EFCAB6: variants seen among roughly 807,000 people sequenced by gnomAD.
EFCAB6 encodes EF-hand calcium binding domain 6.
EFCAB6 carries 156 observed loss-of-function variants against 169.8 expected under a neutral mutation model. That is an observed-to-expected ratio of 0.92 (90% confidence interval 0.81 to 1.05). The LOEUF is 1.05. EFCAB6 is among the 50% of genes least tolerant of loss of function. The pLI is 0.00. For synonymous variants in EFCAB6, 698 were observed against 676.4 expected, an observed-to-expected ratio of 1.03 and a Z score of -0.50; for missense variants, 1,800 against 1,829.1, an observed-to-expected ratio of 0.98 and a Z score of 0.29.
At chr22:43,616,652 G>A (rs979128546) in intron 20 of EFCAB6, among the ~76,000 whole-genome samples, 2 of 152,118 alleles carry the variant, frequency 1.3e-5, no homozygotes, top group African/African-American at 4.8e-5. Flanking sequence ...GGGAGAGCAC[G>A]AGACTCCATC....
chr22:43,642,339 G>A (rs1270994508), intron 17 of EFCAB6, among the ~76,000 whole-genome samples: 1 of 152,006 alleles, frequency 6.6e-6, no homozygotes, highest in Non-Finnish European at 1.5e-5. Flanking sequence ...TTTTTAATAA[G>A]TAATATTATT....
chr22:43,778,449 G>A (rs1399448487), intron 3 of EFCAB6, among the ~76,000 whole-genome samples: 1 of 152,192 alleles, frequency 6.6e-6, no homozygotes, highest in Non-Finnish European at 1.5e-5. Flanking sequence ...AAGCATATGG[G>A]CCCTTCACTA....
chr22:43,618,222 GA>G lies in EFCAB6; in HGVS notation c.2466-2301del, dbSNP rs1569257550. On this transcript the variant is annotated intron_variant, in intron 20 of 31. Transcript: ENST00000262726. ...AGAAAGAAAGAAAGAAAGAAAGAAA[GA>G]GAAAGAAAGAAAGAGAGAGAAAGAG... Among the ~76,000 whole-genome samples, 32 of 98,484 alleles carry G rather than the reference GA, an allele frequency of 3.2e-4. 2 individuals are homozygous for G. The highest frequency in any genetic ancestry group is 1.9e-3 in the South Asian group (5 of 2,662). The allele number at this position is 98,484 out of a possible 152,430, so 64.6% of individuals were successfully genotyped here.
In EFCAB6 at chr22:43,540,286, C is replaced by T. The variant is rs190251390; in HGVS notation, c.3720G>A (p.Arg1240=). The T allele has an allele frequency of 2.3e-4, 368 of 1,614,216 alleles. No individual in the cohort carries two copies. In the East Asian group the frequency reaches 8.0e-3, roughly 35 times the overall value. ...GTGTGGCTGCTGTCTCGGAACTGAA[C>T]CTGCTCAGGAAGTCCGGGTATTTCA... is the stretch of plus-strand genomic sequence containing the variant. ...GRLKYPDFLS[R]FSSETAATPM... is the part of the protein sequence containing the mutation. Residue 1240 remains arginine (R), a synonymous_variant, in exon 28 of 32, where the codon AGG becomes AGA. Coordinates refer to ENST00000262726, the MANE Select transcript of EFCAB6 (RefSeq NM_022785.4).
chr22:43,644,218 G>A (rs1411167251), intron 17 of EFCAB6, among the ~76,000 whole-genome samples: 4 of 152,118 alleles, frequency 2.6e-5, no homozygotes, highest in African/African-American at 7.2e-5. Context: ...CCCTAGGCAA[G>A]CTCTTTGAGC....
In EFCAB6 at chr22:43,678,970, G is replaced by C. The variant is rs1289954891; in HGVS notation, c.1252-807C>G. Among the ~76,000 whole-genome samples, 4 of 152,234 alleles carry C rather than the reference G, an allele frequency of 2.6e-5. No homozygotes were observed. In the East Asian group the frequency reaches 7.7e-4, roughly 29 times the overall value. On this transcript the variant is annotated intron_variant, in intron 12 of 31. Transcript: ENST00000262726. ...TGAGGGGTAAATTAAGTACTTTAGG[G>C]GATATATGCATGCTTACCTTTTGAG...
intron 27 of EFCAB6, among the ~76,000 whole-genome samples, chr22:43,549,070 C>A (rs1187248759): frequency 6.6e-6 from 1 of 152,068 alleles, no homozygotes; most frequent in Non-Finnish European, 1.5e-5. Context: ...CTATGGAGAA[C>A]TGAATTATAA....
At position 43,771,628 on chromosome 22, in the gene EFCAB6, C is replaced by T. The variant is rs143272263; in HGVS notation, c.351+1264G>A. Among the ~76,000 whole-genome samples, 639 of 152,106 alleles carry T rather than the reference C, an allele frequency of 4.2e-3. 2 individuals carry two copies. Among genetic ancestry groups the T allele is most frequent in the Middle Eastern group, 0.027 (8 of 292 alleles). ...TTTTGAAAGGGTTTGACTCCTACTGCATTTCATATTCCTTTTTTAAGGCCC... is the reference window on the plus strand; with the variant it reads ...TTTTGAAAGGGTTTGACTCCTACTGTATTTCATATTCCTTTTTTAAGGCCC... On this transcript the variant is annotated intron_variant, in intron 4 of 31. Transcript: ENST00000262726.
At chr22:43,749,263 G>T (rs1043326797) in intron 6 of EFCAB6, among the ~76,000 whole-genome samples, 3 of 152,104 alleles carry the variant, frequency 2.0e-5, no homozygotes, top group Non-Finnish European at 4.4e-5. Flanking sequence ...GGGGCAGGAG[G>T]ACAGTCACGA....
chr22:43,719,284 A>C (rs1285174190), intron 8 of EFCAB6, among the ~76,000 whole-genome samples: 1 of 152,064 alleles, frequency 6.6e-6, no homozygotes, highest in Non-Finnish European at 1.5e-5. Flanking sequence ...ATTTTCTCAA[A>C]ATTTCCTCTG....
At chr22:43,647,381 A>C (rs1174209658) in intron 17 of EFCAB6, among the ~76,000 whole-genome samples, 1 of 152,240 alleles carries the variant, frequency 6.6e-6, no homozygotes, top group Non-Finnish European at 1.5e-5. Flanking sequence ...GTATTGAAGA[A>C]GACAAAGAGC....
intron 10 of EFCAB6, among the ~76,000 whole-genome samples, chr22:43,697,380 T>G (rs2058613228): frequency 6.6e-6 from 1 of 152,226 alleles, no homozygotes; most frequent in African/African-American, 2.4e-5. Flanking sequence ...ATACCTCATA[T>G]GGTCTCAACT....
rs377325576 is a variant in EFCAB6 at position 43,576,416 on chromosome 22, A to G, written c.3301T>C (p.Phe1101Leu). 337 of 1,606,866 alleles carry G rather than the reference A, an allele frequency of 2.1e-4. No homozygotes were observed. Among genetic ancestry groups the G allele is most frequent in the Non-Finnish European group, 2.8e-4 (331 of 1,178,058 alleles). The change falls in exon 26 of 32, where the codon TTC (phenylalanine) becomes CTC (leucine). Residue 1101 changes from phenylalanine (F) to leucine (L), a missense_variant. Phe to Leu is a conservative substitution (Grantham distance 22, BLOSUM62 0). Coordinates refer to ENST00000262726, the MANE Select transcript of EFCAB6 (RefSeq NM_022785.4). ...TGATTGTCCGTTAGTTTGTAACAGA[A>G]ATCCTTAAGAACTTGTCCGAATTCT... is the stretch of plus-strand genomic sequence containing the variant. ...ATEFGQVLKD[F>L]CYKLTDNQYH...
chr22:43,672,344 C>A, intron 13 of EFCAB6, 39 bp from the exon 14 acceptor site: 1 of 1,605,038 alleles, frequency 6.2e-7, no homozygotes, highest in South Asian at 1.1e-5. Flanking sequence ...AAATACCACT[C>A]ATGAAAGTCA....
At chr22:43,732,911 T>A (rs116165884) in intron 7 of EFCAB6, among the ~76,000 whole-genome samples, 223 of 152,372 alleles carry the variant, frequency 1.5e-3, no homozygotes, top group African/African-American at 5.3e-3. Context: ...GGTTTTTAAA[T>A]GTTTGGTTAT....
At chr22:43,656,219 C>T (rs969277796) in intron 17 of EFCAB6, among the ~76,000 whole-genome samples, 20 of 151,840 alleles carry the variant, frequency 1.3e-4, no homozygotes, top group Admixed American at 2.6e-4. Context: ...GGTGAAACCC[C>T]GTCTCTACTA....
intron 2 of EFCAB6, among the ~76,000 whole-genome samples, chr22:43,796,950 T>A (rs1250310924): frequency 6.6e-6 from 1 of 152,142 alleles, no homozygotes; most frequent in Non-Finnish European, 1.5e-5. Flanking sequence ...TGTCTAGTAT[T>A]TCCATTCATG....
chr22:43,679,066 T>A (rs1227391262), intron 12 of EFCAB6, among the ~76,000 whole-genome samples: 1 of 152,160 alleles, frequency 6.6e-6, no homozygotes, highest in African/African-American at 2.4e-5. Flanking sequence ...TTTAATACAT[T>A]TAAAGCATTG....
chr22:43,746,054 C>T (rs1217922171), intron 6 of EFCAB6, among the ~76,000 whole-genome samples: 1 of 152,148 alleles, frequency 6.6e-6, no homozygotes, highest in African/African-American at 2.4e-5. Flanking sequence ...TAGAGATGCG[C>T]CAAACCAGAT....
Sources: gnomAD v4.1 joint callset for allele counts (sites outside exome capture counted in the v4.1 genomes callset) on GRCh38, gnomAD v4.1.1 for gene constraint, MANE v1.5 for transcripts, NCBI Gene and HGNC (gene_info 2026-07-23, HGNC 2026-07-21) for gene names.